CTNNA2: variants seen among roughly 807,000 people sequenced by gnomAD.
CTNNA2 encodes catenin alpha-2.
A neutral mutation model predicts 101.0 loss-of-function variants in CTNNA2; 42 were observed. That is an observed-to-expected ratio of 0.42 (90% CI 0.32 to 0.54). The LOEUF (loss-of-function observed/expected upper bound fraction) is 0.54, where lower values mean the gene tolerates loss of function less well. CTNNA2 is among the 20% of genes least tolerant of loss of function. CTNNA2 has a pLI of 0.14. For missense variants in CTNNA2, 871 were observed against 1,223.1 expected (o/e 0.71, Z 4.29); for synonymous variants, 450 against 456.4 (o/e 0.99, Z 0.18).
At chr2:79,868,980 G>A (rs78343589) in intron 4 of CTNNA2, among the ~76,000 whole-genome samples, 2,159 of 152,252 alleles carry the variant, frequency 0.014, 54 homozygotes, top group African/African-American at 0.049. Context: ...TCCACAGATG[G>A]TATAACTTAA....
chr2:80,062,638 A>G (rs539125277), intron 7 of CTNNA2, among the ~76,000 whole-genome samples: 30 of 152,142 alleles, frequency 2.0e-4, no homozygotes, highest in Admixed American at 5.2e-4. Context: ...AATATACATA[A>G]GAATCTTTGT....
chr2:80,011,312 G>A (rs53915), intron 7 of CTNNA2, among the ~76,000 whole-genome samples: 85,427 of 151,976 alleles, frequency 0.56, 26,336 homozygotes, highest in East Asian at 0.76. Flanking sequence ...TTTTCAAGCC[G>A]AATCTCAGGC....
chr2:79,339,534 C>G (rs938374327), intron 3 of CTNNA2: 3 of 152,150 alleles, frequency 2.0e-5, no homozygotes, highest in African/African-American at 7.2e-5. Context: ...TTGCAGTTTT[C>G]AAATGATTTT....
chr2:80,269,140 T>C (rs965405690), intron 7 of CTNNA2, among the ~76,000 whole-genome samples: 6 of 152,188 alleles, frequency 3.9e-5, no homozygotes, highest in Non-Finnish European at 8.8e-5. Context: ...GGTGATATAG[T>C]TTGGCTGTGT....
chr2:80,039,601 G>A (rs1574609433), intron 7 of CTNNA2, among the ~76,000 whole-genome samples: 1 of 152,294 alleles, frequency 6.6e-6, no homozygotes, highest in Non-Finnish European at 1.5e-5. Context: ...ACTCCAGTGG[G>A]GGTGGTTCTA....
At chr2:79,297,183 T>C (rs1310701837) in intron 2 of CTNNA2, among the ~76,000 whole-genome samples, 2 of 79,212 alleles carry the variant, frequency 2.5e-5, no homozygotes, top group Non-Finnish European at 4.6e-5. Flanking sequence ...TTGTCATTTG[T>C]TTGTTTGTTT....
intron 7 of CTNNA2, among the ~76,000 whole-genome samples, chr2:80,371,677 T>TG (rs1675457827): frequency 6.6e-6 from 1 of 151,784 alleles, no homozygotes; most frequent in Non-Finnish European, 1.5e-5. Flanking sequence ...AATAAAATGA[T>TG]GGAGGGAATG....
At chr2:79,761,628 T>C (rs1672793008) in intron 3 of CTNNA2, among the ~76,000 whole-genome samples, 1 of 152,172 alleles carries the variant, frequency 6.6e-6, no homozygotes. Context: ...ATAATAATTA[T>C]ATTATAGTTC....
chr2:80,492,612 G>A (rs116868076), intron 9 of CTNNA2, among the ~76,000 whole-genome samples: 2 of 152,268 alleles, frequency 1.3e-5, no homozygotes, highest in East Asian at 3.9e-4. Context: ...AGCCTTTGAT[G>A]GCCTAGCTTC....
At chr2:79,927,355 C>T (rs943423578) in intron 7 of CTNNA2, among the ~76,000 whole-genome samples, 33 of 152,014 alleles carry the variant, frequency 2.2e-4, no homozygotes, top group African/African-American at 7.2e-4. Context: ...GAGAGTGGCT[C>T]TTGAGAGTGT....
chr2:79,634,210 G>T (rs1679870360), intron 1 of CTNNA2, among the ~76,000 whole-genome samples: 1 of 152,156 alleles, frequency 6.6e-6, no homozygotes, highest in South Asian at 2.1e-4. Context: ...TGGTATTCCT[G>T]CAGCAAAATG....
chr2:79,922,642 C>CTTTTTTTTT (rs35186079), intron 7 of CTNNA2, among the ~76,000 whole-genome samples: 18 of 137,012 alleles, frequency 1.3e-4, no homozygotes, highest in Non-Finnish European at 1.7e-4. Context: ...CAGTTTTTTA[C>CTTTTTTTTT]TTTTTTTTTT....
chr2:80,278,595 G>A (rs1442597965), intron 7 of CTNNA2, among the ~76,000 whole-genome samples: 1 of 152,056 alleles, frequency 6.6e-6, no homozygotes, highest in Non-Finnish European at 1.5e-5. Context: ...ATCCATTTGT[G>A]TCATATTTAC....
At chr2:80,456,470 A>T (rs1013436015) in intron 9 of CTNNA2, among the ~76,000 whole-genome samples, 2 of 152,186 alleles carry the variant, frequency 1.3e-5, no homozygotes, top group African/African-American at 4.8e-5. Flanking sequence ...CAGGCGGGAT[A>T]GTGAGATCCC....
At chr2:79,545,109 C>T (rs1021779483) in intron 1 of CTNNA2, among the ~76,000 whole-genome samples, 1 of 152,122 alleles carries the variant, frequency 6.6e-6, no homozygotes, top group Non-Finnish European at 1.5e-5. Context: ...GTTGTCAGCC[C>T]CCTTACTCAC....
At chr2:80,210,700 A>G (rs1451286222) in intron 7 of CTNNA2, among the ~76,000 whole-genome samples, 2 of 152,224 alleles carry the variant, frequency 1.3e-5, no homozygotes, top group Non-Finnish European at 2.9e-5. Flanking sequence ...TTATAGCAGC[A>G]TGATTTATAT....
At chr2:79,421,514 GGTTTTGTTTTA>G (rs1678540218) in intron 4 of CTNNA2, among the ~76,000 whole-genome samples, 1 of 152,072 alleles carries the variant, frequency 6.6e-6, no homozygotes, top group African/African-American at 2.4e-5. Context: ...ATGAGTTTTT[GGTTTTGTTTTA>G]TTTTCCTTCA....
chr2:79,814,713 A>G (rs1299342029), intron 3 of CTNNA2, among the ~76,000 whole-genome samples: 3 of 151,842 alleles, frequency 2.0e-5, no homozygotes, highest in Non-Finnish European at 2.9e-5. Flanking sequence ...CGATCATTCA[A>G]TTGTGAATTG....
At chr2:80,419,726 C>A (rs1680351249) in intron 9 of CTNNA2, 125 bp downstream of exon 9, 3 of 941,618 alleles carry the variant, frequency 3.2e-6, no homozygotes, top group Admixed American at 3.2e-5. Context: ...TGGAATCATT[C>A]TTTCCTTTAC....
Sources: allele counts gnomAD v4.1 joint callset (sites outside exome capture counted in the v4.1 genomes callset), GRCh38; gene constraint gnomAD v4.1.1; transcripts MANE v1.5; gene names NCBI Gene and HGNC (gene_info 2026-07-23, HGNC 2026-07-21).